Variants in HS6ST3 observed in about 807,000 individuals in gnomAD.
The protein encoded by HS6ST3 is heparan-sulfate 6-O-sulfotransferase 3.
In HS6ST3, 12 loss-of-function variants were observed where a neutral mutation model predicts 36.7. The observed-to-expected ratio is 0.33, with a 90% confidence interval of 0.21 to 0.53. HS6ST3 has a LOEUF of 0.53. Among genes scored for constraint, HS6ST3 ranks in the 20% least tolerant of loss-of-function variants. The pLI is 0.95. For synonymous variants in HS6ST3, 240 were observed against 257.5 expected, an observed-to-expected ratio of 0.93 and a Z score of 0.65; for missense variants, 584 against 640.9, an observed-to-expected ratio of 0.91 and a Z score of 0.96.
At chr13:96,365,572 T>G (rs1457339947) in intron 1 of HS6ST3, among the ~76,000 whole-genome samples, 1 of 152,226 alleles carries the variant, frequency 6.6e-6, no homozygotes, top group Non-Finnish European at 1.5e-5. Context: ...ATACTTGTTA[T>G]ACTATTCTAC....
intron 1 of HS6ST3, among the ~76,000 whole-genome samples, chr13:96,518,301 G>A (rs1277404103): frequency 6.6e-6 from 1 of 152,074 alleles, no homozygotes; most frequent in African/African-American, 2.4e-5. Flanking sequence ...TGTCTTATCT[G>A]TGTTAATGGG....
chr13:96,827,560 G>T (rs1878675934), intron 1 of HS6ST3, among the ~76,000 whole-genome samples: 1 of 151,710 alleles, frequency 6.6e-6, no homozygotes, highest in Non-Finnish European at 1.5e-5. Context: ...AGAACCATAA[G>T]ATAGGATGAC....
At chr13:96,135,404 A>G (rs886994763) in intron 1 of HS6ST3, among the ~76,000 whole-genome samples, 1 of 152,336 alleles carries the variant, frequency 6.6e-6, no homozygotes, top group African/African-American at 2.4e-5. Context: ...ATATACTTTA[A>G]AAATAGAATG....
chr13:96,232,626 A>G (rs376414462), intron 1 of HS6ST3, among the ~76,000 whole-genome samples: 1 of 152,108 alleles, frequency 6.6e-6, no homozygotes, highest in South Asian at 2.1e-4. Flanking sequence ...GACAGTGGTA[A>G]TGAGCAGGAG....
chr13:96,551,917 A>G (rs2056220918), intron 1 of HS6ST3, among the ~76,000 whole-genome samples: 1 of 152,210 alleles, frequency 6.6e-6, no homozygotes, highest in African/African-American at 2.4e-5. Context: ...AAAAATACTT[A>G]CTTTTTATCT....
At chr13:96,765,447 A>G (rs1877084419) in intron 1 of HS6ST3, among the ~76,000 whole-genome samples, 1 of 152,220 alleles carries the variant, frequency 6.6e-6, no homozygotes, top group Non-Finnish European at 1.5e-5. Flanking sequence ...CTGGAGGGGA[A>G]GAATTGGATT....
At chr13:96,401,444 G>T (rs1247362408) in intron 1 of HS6ST3, among the ~76,000 whole-genome samples, 1 of 152,160 alleles carries the variant, frequency 6.6e-6, no homozygotes, top group African/African-American at 2.4e-5. Flanking sequence ...CATCTGTCTT[G>T]CCTCTATAGG....
At chr13:96,422,034 A>G (rs2055565140) in intron 1 of HS6ST3, among the ~76,000 whole-genome samples, 1 of 152,192 alleles carries the variant, frequency 6.6e-6, no homozygotes, top group South Asian at 2.1e-4. Flanking sequence ...TGCACGTTTC[A>G]TGCTTCCCTG....
chr13:96,486,037 C>G (rs544607924), intron 1 of HS6ST3, among the ~76,000 whole-genome samples: 22 of 138,238 alleles, frequency 1.6e-4, no homozygotes, highest in African/African-American at 5.7e-4. Flanking sequence ...ACAACAGGCC[C>G]CGGTGTGTGA....
chr13:96,310,550 G>C (rs529832479), intron 1 of HS6ST3, among the ~76,000 whole-genome samples: 2 of 152,164 alleles, frequency 1.3e-5, no homozygotes, highest in Non-Finnish European at 1.5e-5. Flanking sequence ...AATTAGAAAA[G>C]ACGAGGAAGG....
At chr13:96,391,922 C>T (rs893288153) in intron 1 of HS6ST3, among the ~76,000 whole-genome samples, 4 of 152,050 alleles carry the variant, frequency 2.6e-5, no homozygotes, top group Admixed American at 6.6e-5. Context: ...ACTGGCTTGC[C>T]GAGAGGAATG....
chr13:96,200,045 C>T (rs2054333604), intron 1 of HS6ST3, among the ~76,000 whole-genome samples: 1 of 152,134 alleles, frequency 6.6e-6, no homozygotes, highest in Non-Finnish European at 1.5e-5. Flanking sequence ...GAACTATAGG[C>T]CATACTTAGT....
chr13:96,757,918 T>C (rs577609973), intron 1 of HS6ST3, among the ~76,000 whole-genome samples: 1 of 152,232 alleles, frequency 6.6e-6, no homozygotes, highest in East Asian at 1.9e-4. Flanking sequence ...ATTTGAATTT[T>C]TCTTTTTTGA....
At chr13:96,348,390 A>T (rs192316174) in intron 1 of HS6ST3, among the ~76,000 whole-genome samples, 13 of 152,310 alleles carry the variant, frequency 8.5e-5, no homozygotes, top group Admixed American at 2.6e-4. Context: ...GTTGTGTCGT[A>T]TTTAGAGGGT....
At chr13:96,687,782 T>G (rs914039506) in intron 1 of HS6ST3, among the ~76,000 whole-genome samples, 1 of 151,824 alleles carries the variant, frequency 6.6e-6, no homozygotes, top group Non-Finnish European at 1.5e-5. Flanking sequence ...ATACGGACAA[T>G]AGATGGAGAA....
intron 1 of HS6ST3, among the ~76,000 whole-genome samples, chr13:96,724,436 G>T (rs1337644789): frequency 1.3e-5 from 2 of 152,158 alleles, no homozygotes; most frequent in Non-Finnish European, 2.9e-5. Flanking sequence ...TGTGCATCAT[G>T]AAGTCATCAT....
At chr13:96,751,627 A>T (rs1440512080) in intron 1 of HS6ST3, among the ~76,000 whole-genome samples, 2 of 152,134 alleles carry the variant, frequency 1.3e-5, no homozygotes, top group South Asian at 2.1e-4. Context: ...TACATTTTTA[A>T]ATAAAGCCTG....
chr13:96,330,942 A>T (rs1362759905), intron 1 of HS6ST3, among the ~76,000 whole-genome samples: 1 of 151,440 alleles, frequency 6.6e-6, no homozygotes, highest in Non-Finnish European at 1.5e-5. Context: ...TTCATCTTCC[A>T]TCGCTGATAC....
chr13:96,741,793 T>C (rs568898108), intron 1 of HS6ST3, among the ~76,000 whole-genome samples: 22 of 152,192 alleles, frequency 1.4e-4, no homozygotes, highest in Non-Finnish European at 3.2e-4. Flanking sequence ...AGTTTGGTTT[T>C]AATAACAAGC....
Sources: gnomAD v4.1 joint callset for allele counts (sites outside exome capture counted in the v4.1 genomes callset) on GRCh38, gnomAD v4.1.1 for gene constraint, MANE v1.5 for transcripts, NCBI Gene and HGNC (gene_info 2026-07-23, HGNC 2026-07-21) for gene names.